Variants in AGBL1 observed in about 807,000 individuals in gnomAD.
The protein encoded by AGBL1 is AGBL carboxypeptidase 1.
A neutral mutation model predicts 118.9 loss-of-function variants in AGBL1; 130 were observed. The ratio of observed to expected loss-of-function variants is 1.09; its 90% CI spans 0.95 to 1.26. The LOEUF (loss-of-function observed/expected upper bound fraction) is 1.26, where lower values mean the gene tolerates loss of function less well. AGBL1 is among the 50% of genes most tolerant of loss of function. The pLI is 0.00. For synonymous variants in AGBL1, 555 were observed against 478.9 expected (o/e 1.16, Z -2.08); for missense variants, 1,584 against 1,298.1 (o/e 1.22, Z -3.38).
intron 18 of AGBL1, among the ~76,000 whole-genome samples, chr15:86,482,139 T>C (rs2082660462): frequency 6.6e-6 from 1 of 152,180 alleles, no homozygotes; most frequent in Non-Finnish European, 1.5e-5. Flanking sequence ...TTTTGTAATA[T>C]ATTTATAATC....
At chr15:86,659,093 C>A (rs1430860523) in intron 21 of AGBL1, among the ~76,000 whole-genome samples, 1 of 152,032 alleles carries the variant, frequency 6.6e-6, no homozygotes, top group Non-Finnish European at 1.5e-5. Flanking sequence ...CCTATTTGTC[C>A]CCCCTCCACA....
chr15:86,935,729 T>C (rs1008944081), intron 23 of AGBL1, among the ~76,000 whole-genome samples: 5 of 149,568 alleles, frequency 3.3e-5, no homozygotes, highest in African/African-American at 1.3e-4. Flanking sequence ...TGAAATCTTG[T>C]TGTTGTCATG....
intron 21 of AGBL1, among the ~76,000 whole-genome samples, chr15:86,665,533 G>A (rs2085629746): frequency 6.6e-6 from 1 of 151,684 alleles, no homozygotes; most frequent in African/African-American, 2.4e-5. Context: ...CTTCTCTGTT[G>A]GAATTATGTT....
At chr15:86,710,538 A>G (rs912832513) in intron 22 of AGBL1, among the ~76,000 whole-genome samples, 1 of 152,198 alleles carries the variant, frequency 6.6e-6, no homozygotes, top group African/African-American at 2.4e-5. Context: ...TAGATTTGTG[A>G]AAATAAATCA....
At chr15:86,496,826 T>C (rs74935284) in intron 18 of AGBL1, among the ~76,000 whole-genome samples, 2,651 of 152,040 alleles carry the variant, frequency 0.017, 65 homozygotes, top group African/African-American at 0.06. Flanking sequence ...AAATAAAACA[T>C]TTCCAGTATT....
At chr15:86,721,628 T>A (rs964631335) in intron 22 of AGBL1, among the ~76,000 whole-genome samples, 1 of 152,178 alleles carries the variant, frequency 6.6e-6, no homozygotes, top group Non-Finnish European at 1.5e-5. Flanking sequence ...CCACTCCTAT[T>A]CAACATAGTG....
At chr15:86,283,494 G>T (rs2141730347) in intron 16 of AGBL1, among the ~76,000 whole-genome samples, 1 of 151,630 alleles carries the variant, frequency 6.6e-6, no homozygotes, top group Non-Finnish European at 1.5e-5. Flanking sequence ...GAGGTGGGGG[G>T]AGGTGGAAGA....
chr15:86,787,994 C>A (rs961038520), intron 22 of AGBL1, among the ~76,000 whole-genome samples: 1 of 152,042 alleles, frequency 6.6e-6, no homozygotes, highest in African/African-American at 2.4e-5. Flanking sequence ...TTTTGAAGGC[C>A]ACCTTCTTGA....
intron 22 of AGBL1, among the ~76,000 whole-genome samples, chr15:86,760,443 T>G (rs942097096): frequency 2.7e-4 from 41 of 152,180 alleles, no homozygotes; most frequent in Admixed American, 2.5e-3. Flanking sequence ...CCATTAACAT[T>G]TCTCAATGAC....
chr15:86,415,520 A>AT (rs1344018891), intron 18 of AGBL1, among the ~76,000 whole-genome samples: 2 of 152,220 alleles, frequency 1.3e-5, no homozygotes, highest in African/African-American at 4.8e-5. Context: ...AACAACACTT[A>AT]TAAGAACAGT....
At chr15:86,089,844 C>A (rs1232158317) in intron 1 of AGBL1, among the ~76,000 whole-genome samples, 1 of 151,728 alleles carries the variant, frequency 6.6e-6, no homozygotes, top group Non-Finnish European at 1.5e-5. Flanking sequence ...TAAGCAAATC[C>A]CACTTTCCCT....
At chr15:87,029,897 C>T, downstream of AGBL1, among the ~76,000 whole-genome samples, 1 of 151,724 alleles carries the variant, frequency 6.6e-6, no homozygotes, top group Middle Eastern at 3.2e-3. Flanking sequence ...GTTGTAGAGG[C>T]AAACAACCCT....
chr15:86,545,632 A>G (rs2083569391), intron 19 of AGBL1, among the ~76,000 whole-genome samples: 1 of 152,128 alleles, frequency 6.6e-6, no homozygotes, highest in African/African-American at 2.4e-5. Flanking sequence ...ATTGTTTAAA[A>G]TACTCATAGA....
chr15:86,543,457 G>C (rs1054942577), intron 19 of AGBL1, among the ~76,000 whole-genome samples: 36 of 152,152 alleles, frequency 2.4e-4, no homozygotes, highest in African/African-American at 8.4e-4. Context: ...TTACTGTCGT[G>C]TGTTTCATTT....
chr15:86,184,549 C>A (rs1054880832), intron 5 of AGBL1, among the ~76,000 whole-genome samples: 2 of 151,330 alleles, frequency 1.3e-5, no homozygotes, highest in African/African-American at 4.9e-5. Flanking sequence ...TCCTGGATAA[C>A]ATCCTGCAGA....
rs1024642874 is a variant in AGBL1 at position 86,897,023 on chromosome 15, T to G, written c.3159-10064T>G. Among the ~76,000 whole-genome samples the G allele has an allele frequency of 2.0e-5, 3 of 152,204 alleles. No homozygotes were observed. In the East Asian group the frequency reaches 5.8e-4, roughly 29 times the overall value. ...TGCATGTTAGACAGTGTCTTTCTTTTGCAAAACAATTTGGCTTTTTAGAAA... is the reference window on the plus strand; with the variant it reads ...TGCATGTTAGACAGTGTCTTTCTTTGGCAAAACAATTTGGCTTTTTAGAAA... On this transcript the variant is annotated intron_variant, in intron 22 of 22. Coordinates refer to ENST00000614907, the MANE Select transcript of AGBL1 (RefSeq NM_001386094.1).
intron 1 of AGBL1, among the ~76,000 whole-genome samples, chr15:86,091,152 G>C (rs966360478): frequency 1.3e-5 from 2 of 152,106 alleles, no homozygotes; most frequent in Non-Finnish European, 2.9e-5. Context: ...GATTTGCCTA[G>C]CAATATAATC....
At chr15:86,477,439 GAATACTAT>G (rs2082577223) in intron 18 of AGBL1, among the ~76,000 whole-genome samples, 1 of 152,184 alleles carries the variant, frequency 6.6e-6, no homozygotes, top group Non-Finnish European at 1.5e-5. Flanking sequence ...TACCATCAGA[GAATACTAT>G]AAACACCTCT....
intron 22 of AGBL1, among the ~76,000 whole-genome samples, chr15:86,795,207 C>G (rs2078552280): frequency 6.6e-6 from 1 of 152,180 alleles, no homozygotes; most frequent in South Asian, 2.1e-4. Context: ...TTTCCATTGA[C>G]TATCTGCTCT....
Sources: allele counts gnomAD v4.1 joint callset (sites outside exome capture counted in the v4.1 genomes callset), GRCh38; gene constraint gnomAD v4.1.1; transcripts MANE v1.5; gene names NCBI Gene and HGNC (gene_info 2026-07-23, HGNC 2026-07-21).